Variants in PUDP observed in about 807,000 individuals in gnomAD.
The protein encoded by PUDP is pseudouridine-5'-phosphatase.
PUDP carries 8 observed loss-of-function variants against 9.4 expected under a neutral mutation model. The ratio of observed to expected loss-of-function variants is 0.85; its 90% CI spans 0.50 to 1.53. The LOEUF is 1.53. Among genes scored for constraint, PUDP ranks in the 40% most tolerant of loss-of-function variants. The pLI is 0.00. For missense variants in PUDP, 188 were observed against 189.7 expected (o/e 0.99, Z 0.05); for synonymous variants, 99 against 80.7 (o/e 1.23, Z -1.22).
intron 1 of PUDP, among the ~76,000 whole-genome samples, chrX:6,987,287 G>C (rs986460683): frequency 8.9e-5 from 10 of 111,917 alleles, no homozygotes; most frequent in African/African-American, 2.9e-4. Flanking sequence ...AGAATAATGG[G>C]CATCTATGTT....
chrX:6,808,998 C>T (rs62590376), intron 3 of PUDP, among the ~76,000 whole-genome samples: 10,058 of 111,526 alleles, frequency 0.09, 388 homozygotes, highest in Non-Finnish European at 0.12. Flanking sequence ...AATCTGCTCA[C>T]GGGCTGGACA....
At chrX:6,735,050 T>G (rs1405413486) in intron 3 of PUDP, among the ~76,000 whole-genome samples, 1 of 112,019 alleles carries the variant, frequency 8.9e-6, no homozygotes, top group Non-Finnish European at 1.9e-5. Flanking sequence ...CACAATCTGT[T>G]CTACATCAAA....
intron 3 of PUDP, among the ~76,000 whole-genome samples, chrX:6,794,424 C>G (rs1177553445): frequency 9.0e-6 from 1 of 111,552 alleles, no homozygotes; most frequent in East Asian, 2.8e-4. Flanking sequence ...GAATGGAGCT[C>G]GCAGGACTGG....
At chrX:7,026,027 C>T (rs745424228) in intron 1 of PUDP, among the ~76,000 whole-genome samples, 41 of 112,658 alleles carry the variant, frequency 3.6e-4, no homozygotes, top group African/African-American at 1.3e-3. Context: ...GTGTGTTGGT[C>T]TCCCCCATAA....
At chrX:6,843,972 G>A (rs1926707549) in intron 3 of PUDP, among the ~76,000 whole-genome samples, 1 of 112,608 alleles carries the variant, frequency 8.9e-6, no homozygotes, top group African/African-American at 3.2e-5. Context: ...GGATCTTACT[G>A]GATTATAATT....
intron 3 of PUDP, among the ~76,000 whole-genome samples, chrX:6,767,884 C>A (rs1196655250): frequency 9.0e-6 from 1 of 111,533 alleles, no homozygotes; most frequent in Non-Finnish European, 1.9e-5. Context: ...CCTTGGTTCT[C>A]ATCTCAGTCT....
chrX:6,762,369 A>G (rs1014032154), intron 3 of PUDP, among the ~76,000 whole-genome samples: 1 of 112,308 alleles, frequency 8.9e-6, no homozygotes, highest in African/African-American at 3.2e-5. Flanking sequence ...TCGATGCCCA[A>G]GATGTTAAAA....
At chrX:7,055,526 G>A (rs891500846) in intron 3 of PUDP, among the ~76,000 whole-genome samples, 8 of 111,293 alleles carry the variant, frequency 7.2e-5, no homozygotes, top group African/African-American at 2.6e-4. Flanking sequence ...AGAGTGCTGG[G>A]ATTACAGGCG....
chrX:6,774,160 G>C (rs1285384468), intron 3 of PUDP, among the ~76,000 whole-genome samples: 2 of 111,635 alleles, frequency 1.8e-5, no homozygotes, highest in Admixed American at 1.9e-4. Context: ...AAAAAAGTGG[G>C]CATAAATGTG....
At chrX:6,784,468 G>A (rs6638625) in intron 3 of PUDP, among the ~76,000 whole-genome samples, 52,965 of 109,722 alleles carry the variant, frequency 0.48, 9,915 homozygotes, top group Non-Finnish European at 0.59. Context: ...TCAGGAAACT[G>A]ATTTACTAGA....
chrX:7,111,770 G>A (rs1397735886), intron 1 of PUDP, among the ~76,000 whole-genome samples: 2 of 111,802 alleles, frequency 1.8e-5, no homozygotes, highest in African/African-American at 3.3e-5. Context: ...CCTTCTAGGC[G>A]GTTGCGTCCA....
chrX:7,091,107 A>G (rs1931408644), intron 2 of PUDP, among the ~76,000 whole-genome samples: 1 of 111,884 alleles, frequency 8.9e-6, no homozygotes, highest in African/African-American at 3.3e-5. Flanking sequence ...GATCGTCAGG[A>G]GCCTCCTGTC....
intron 3 of PUDP, among the ~76,000 whole-genome samples, chrX:6,786,661 T>A (rs887636897): frequency 6.3e-5 from 7 of 111,598 alleles, no homozygotes; most frequent in African/African-American, 2.3e-4. Flanking sequence ...CTTCTGAGCA[T>A]CAGATTAAAC....
chrX:7,045,902 T>C (rs1929977531), downstream of PUDP, among the ~76,000 whole-genome samples: 1 of 111,630 alleles, frequency 9.0e-6, no homozygotes, highest in African/African-American at 3.3e-5. Flanking sequence ...ATTTAAAAGA[T>C]GAAAAAATAT....
At chrX:6,934,970 A>C (rs201068352) in intron 3 of PUDP, among the ~76,000 whole-genome samples, 6 of 78,041 alleles carry the variant, frequency 7.7e-5, no homozygotes, top group Non-Finnish European at 9.8e-5. Flanking sequence ...CAGGAGCACC[A>C]AGATTCATAA....
chrX:6,997,734 G>A (rs1929270082), intron 1 of PUDP, among the ~76,000 whole-genome samples: 1 of 111,984 alleles, frequency 8.9e-6, no homozygotes, highest in Non-Finnish European at 1.9e-5. Context: ...AGAGAAGTCA[G>A]GCAGAGGGAG....
chrX:6,792,955 G>A (rs761091000), intron 3 of PUDP, among the ~76,000 whole-genome samples: 1 of 112,976 alleles, frequency 8.9e-6, no homozygotes, highest in Non-Finnish European at 1.9e-5. Flanking sequence ...AAGTTGAGGG[G>A]CATAGGCCCA....
At chrX:7,003,011 C>G (rs1217664895) in intron 1 of PUDP, among the ~76,000 whole-genome samples, 1 of 110,840 alleles carries the variant, frequency 9.0e-6, no homozygotes, top group African/African-American at 3.3e-5. Flanking sequence ...GAGGACTGAA[C>G]TGAAACTGAA....
intron 3 of PUDP, among the ~76,000 whole-genome samples, chrX:6,838,079 T>C (rs1926611625): frequency 8.9e-6 from 1 of 112,040 alleles, no homozygotes; most frequent in Non-Finnish European, 1.9e-5. Context: ...TCCATGTGAA[T>C]CAGAGAAGGT....
Sources: gnomAD v4.1 joint callset for allele counts (sites outside exome capture counted in the v4.1 genomes callset) on GRCh38, gnomAD v4.1.1 for gene constraint, MANE v1.5 for transcripts, NCBI Gene and HGNC (gene_info 2026-07-23, HGNC 2026-07-21) for gene names.